Variants in UBXN2B observed in about 807,000 individuals in gnomAD.
UBXN2B encodes UBX domain-containing protein 2B.
Under a neutral mutation model 37.5 loss-of-function variants are expected in UBXN2B, and 19 were observed. That is an observed-to-expected ratio of 0.51 (90% CI 0.35 to 0.74). The LOEUF (loss-of-function observed/expected upper bound fraction) is 0.74, where lower values mean the gene tolerates loss of function less well. Among genes scored for constraint, UBXN2B ranks in the 30% least tolerant of loss-of-function variants. The pLI is 0.01. For synonymous variants in UBXN2B, 145 were observed against 143.8 expected (o/e 1.01, Z -0.06); for missense variants, 370 against 393.2 (o/e 0.94, Z 0.50).
chr8:58,419,791 T>C (rs937182446), intron 2 of UBXN2B, among the ~76,000 whole-genome samples: 3 of 152,236 alleles, frequency 2.0e-5, no homozygotes, highest in Non-Finnish European at 2.9e-5. Context: ...AGAACTTTAG[T>C]AGCTTAGTAG....
At chr8:58,439,885 G>C in intron 6 of UBXN2B, 115 bp downstream of exon 6, 1 of 861,208 alleles carries the variant, frequency 1.2e-6, no homozygotes, top group South Asian at 2.1e-5. Context: ...ATGCACATTA[G>C]ATATATACAT....
In UBXN2B at chr8:58,424,731, A is replaced by G. The variant is rs547118495; in HGVS notation, c.189-5788A>G. ...CTCCACTCGTCTGGTCCGCTAGAGA[A>G]TACTTAATATTTGTATATTCATGAC... On this transcript the variant is annotated intron_variant, in intron 2 of 7. Transcript: ENST00000399598. 60 of 1,401,698 alleles carry G rather than the reference A, an allele frequency of 4.3e-5. No individual in the cohort carries two copies. The African/African-American group carries it at 5.8e-4, about 14-fold the overall frequency. 86.8% of individuals were successfully genotyped at this position (1,401,698 alleles called of 1,614,324 possible).
intron 2 of UBXN2B, among the ~76,000 whole-genome samples, chr8:58,430,141 G>A (rs956881972): frequency 6.6e-6 from 1 of 152,274 alleles, no homozygotes; most frequent in African/African-American, 2.4e-5. Flanking sequence ...ACTGAGTGTG[G>A]CCTTCTTAGG....
At position 58,447,349 on chromosome 8, in the gene UBXN2B, A is replaced by AT. The variant is rs748812933; in HGVS notation, c.834-34dup. On this transcript the variant is annotated intron_variant, in intron 7 of 7. Transcript: ENST00000399598. Reference sequence around the variant, plus strand: ...AGTTTTAAGTTTACATGAAAATATGATTTTTTATATTACAAATTATTTTTG... The same window carrying AT: ...AGTTTTAAGTTTACATGAAAATATGATTTTTTTATATTACAAATTATTTTTG... 134 of 1,493,200 alleles carry AT rather than the reference A, an allele frequency of 9.0e-5. 5 individuals carry two copies. In the South Asian group the frequency reaches 1.8e-3, roughly 20 times the overall value. 92.5% of individuals were successfully genotyped at this position (1,493,200 alleles called of 1,614,324 possible). A position where few individuals can be genotyped will look rare whatever the true frequency, so the allele number is the denominator to read the frequency against.
At chr8:58,424,930 TC>T in intron 2 of UBXN2B, 1 of 434,270 alleles carries the variant, frequency 2.3e-6, no homozygotes, top group Non-Finnish European at 4.2e-6. Context: ...AACACCTTTC[TC>T]TCTGTTGATG....
At position 58,448,679 on chromosome 8, in the gene UBXN2B, C is replaced by T. The variant is rs1808740799; in HGVS notation, c.*1128C>T. On this transcript the variant is annotated 3_prime_UTR_variant, in exon 8 of 8. Transcript: ENST00000399598. ...CCAGAACAAGACTAGTGTAGAAATA[C>T]AGGAATGTAAATTCTGTCAGACGGA... 6.6e-6 allele frequency: 1 copy of T among 152,426 alleles called. No homozygotes were observed. The highest frequency in any genetic ancestry group is 2.4e-5 in the African/African-American group (1 of 41,370). The allele number at this position is 152,426 out of a possible 1,614,324, so 9.4% of individuals were successfully genotyped here. A position where few individuals can be genotyped will look rare whatever the true frequency, so the allele number is the denominator to read the frequency against.
intron 2 of UBXN2B, among the ~76,000 whole-genome samples, chr8:58,428,932 C>T (rs964944843): frequency 6.6e-6 from 1 of 152,280 alleles, no homozygotes; most frequent in Non-Finnish European, 1.5e-5. Flanking sequence ...AGTTCTTGTC[C>T]TCTACCTTAT....
chr8:58,413,885 A>C (rs1807705614), intron 1 of UBXN2B, among the ~76,000 whole-genome samples: 2 of 152,162 alleles, frequency 1.3e-5, no homozygotes, highest in Admixed American at 1.3e-4. Flanking sequence ...CCAAAACCTC[A>C]CCAGTGTTCA....
In UBXN2B at chr8:58,441,367, A is replaced by ATATATGTATG. The variant is rs1554553148; in HGVS notation, c.671+1598_671+1599insATATGTATGT. On this transcript the variant is annotated intron_variant, in intron 6 of 7. Coordinates refer to ENST00000399598, the MANE Select transcript of UBXN2B (RefSeq NM_001077619.2). ...GATCAACATATATATATATATATAT[A>ATATATGTATG]TGTATGTGTATATATATGTATGTAT... Among the ~76,000 whole-genome samples, 16 of 142,484 alleles carry ATATATGTATG rather than the reference A, an allele frequency of 1.1e-4. 1 individual carries two copies. The highest frequency in any genetic ancestry group is 3.7e-4 in the African/African-American group (14 of 37,580). The allele number at this position is 142,484 out of a possible 152,430, so 93.5% of individuals were successfully genotyped here. A position where few individuals can be genotyped will look rare whatever the true frequency, so the allele number is the denominator to read the frequency against.
At chr8:58,446,372 A>G (rs1015661126) in intron 7 of UBXN2B, among the ~76,000 whole-genome samples, 2 of 152,224 alleles carry the variant, frequency 1.3e-5, no homozygotes, top group African/African-American at 4.8e-5. Flanking sequence ...GTCGAATCAG[A>G]TTTAATTTAA....
At chr8:58,444,610 C>T (rs1471104) in intron 6 of UBXN2B, among the ~76,000 whole-genome samples, 1 of 152,154 alleles carries the variant, frequency 6.6e-6, no homozygotes. Context: ...TGTCTCATGT[C>T]TTTTCTCTTG....
chr8:58,426,608 G>A lies in UBXN2B; in HGVS notation c.189-3911G>A, dbSNP rs1225799614. On this transcript the variant is annotated intron_variant, in intron 2 of 7. Coordinates refer to ENST00000399598, the MANE Select transcript of UBXN2B (RefSeq NM_001077619.2). ...TACTAGGCCTTGCCAAAAAACTGCT[G>A]TCAGCTCCTCTTATCAACAGTGGGT... 5 of 749,640 alleles carry A rather than the reference G, an allele frequency of 6.7e-6. No homozygotes were observed. The East Asian group carries it at 7.5e-5, about 11-fold the overall frequency. The allele number at this position is 749,640 out of a possible 1,614,324, so 46.4% of individuals were successfully genotyped here. A position where few individuals can be genotyped will look rare whatever the true frequency, so the allele number is the denominator to read the frequency against.
At chr8:58,440,347 G>A (rs1255553659) in intron 6 of UBXN2B, among the ~76,000 whole-genome samples, 1 of 152,198 alleles carries the variant, frequency 6.6e-6, no homozygotes, top group African/African-American at 2.4e-5. Flanking sequence ...AATGTGCTTA[G>A]CTTTGTGATT....
chr8:58,434,535 A>G (rs777265934), intron 5 of UBXN2B, 31 bp downstream of exon 5: 2 of 1,449,966 alleles, frequency 1.4e-6, no homozygotes, highest in Non-Finnish European at 1.9e-6. Flanking sequence ...TCTATTTGTT[A>G]TGTAGAGTGG....
chr8:58,437,347 G>T (rs1808440815), intron 5 of UBXN2B, among the ~76,000 whole-genome samples: 1 of 58,718 alleles, frequency 1.7e-5, no homozygotes, highest in African/African-American at 7.9e-5. Flanking sequence ...TTTTTTTTTG[G>T]AGACGATTCA....
rs887287078 is a variant in UBXN2B, at chr8:58,411,440, C to T, written c.55C>T (p.Pro19Ser). The change falls in exon 1 of 8, where the codon CCG becomes TCG. Residue 19 changes from proline to serine, a missense_variant. Around this residue, in one of 3 missense-constraint regions of UBXN2B, gnomAD observed 197 missense variants for 170.2 expected, o/e 1.16. Transcript: ENST00000399598. ...PGEQERRSSG[P>S]RPPSARDLQL... ...CGAGCAGGAGAGGAGGTCTTCCGGGCCGCGGCCTCCGAGCGCGCGGGATTT... is the reference window on the plus strand; with the variant it reads ...CGAGCAGGAGAGGAGGTCTTCCGGGTCGCGGCCTCCGAGCGCGCGGGATTT... The T allele has an allele frequency of 1.6e-6, 2 of 1,258,700 alleles. No individual in the cohort carries two copies. The highest frequency in any genetic ancestry group is 3.1e-4 in the Middle Eastern group (1 of 3,238). 78.0% of individuals were successfully genotyped at this position (1,258,700 alleles called of 1,614,324 possible). A position where few individuals can be genotyped will look rare whatever the true frequency, so the allele number is the denominator to read the frequency against.
At chr8:58,417,978 G>A (rs1257485093) in intron 2 of UBXN2B, among the ~76,000 whole-genome samples, 1 of 152,234 alleles carries the variant, frequency 6.6e-6, no homozygotes, top group Admixed American at 6.5e-5. Flanking sequence ...GGTGGCTTAT[G>A]CCTGTAATCC....
intron 6 of UBXN2B, 75 bp downstream of exon 6, chr8:58,439,845 C>T (rs1232813294): frequency 1.1e-5 from 16 of 1,492,936 alleles, no homozygotes; most frequent in Non-Finnish European, 1.4e-5. Flanking sequence ...AGCAAAATGA[C>T]CTATGAAGTA....
intron 2 of UBXN2B, among the ~76,000 whole-genome samples, chr8:58,423,572 A>G (rs908670019): frequency 6.6e-6 from 1 of 151,776 alleles, no homozygotes; most frequent in African/African-American, 2.4e-5. Context: ...AGTAGCTGGG[A>G]CTACAGGCGC....
Sources: allele counts gnomAD v4.1 joint callset (sites outside exome capture counted in the v4.1 genomes callset), GRCh38; gene constraint gnomAD v4.1.1; regional missense constraint gnomAD v4.1.1; transcripts MANE v1.5; gene names NCBI Gene and HGNC (gene_info 2026-07-23, HGNC 2026-07-21).